Variants in DSG2 observed in about 807,000 individuals in gnomAD.
DSG2 encodes desmoglein 2, also known as desmoglein-2.
In DSG2, 45 loss-of-function variants were observed where a neutral mutation model predicts 75.6. That is an observed-to-expected ratio of 0.60 (90% CI 0.47 to 0.76). The LOEUF is 0.76. Ranked by LOEUF, DSG2 falls within the 30% of genes least tolerant of loss-of-function variation. The probability of loss-of-function intolerance (pLI) is 0.00; values close to 1 mark genes in which losing one functional copy is unlikely to be tolerated. For missense variants in DSG2, 1,267 were observed against 1,357.4 expected, an observed-to-expected ratio of 0.93 and a Z score of 1.05; for synonymous variants, 429 against 483.9, an observed-to-expected ratio of 0.89 and a Z score of 1.49.
intron 8 of DSG2, among the ~76,000 whole-genome samples, chr18:31,526,432 G>A (rs1183821188): frequency 6.6e-6 from 1 of 152,162 alleles, no homozygotes; most frequent in Admixed American, 6.5e-5. Context: ...ACCACTTATT[G>A]ACAGCTACTA....
Position 31,538,913 on chromosome 18 carries a change from A to T in DSG2, c.1814A>T (p.Asp605Val), listed in dbSNP as rs761157959. 1.4e-5 allele frequency: 23 copies of T among 1,613,710 alleles called. No homozygotes were observed. Among genetic ancestry groups the T allele is most frequent in the Non-Finnish European group, 1.9e-5 (23 of 1,179,942 alleles). Residue 605 changes from aspartate to valine, a missense_variant, in exon 12 of 15, where the codon GAC becomes GTC. Physicochemically the swap from Asp to Val is radical, Grantham distance 152. Coordinates refer to ENST00000261590, the MANE Select transcript of DSG2 (RefSeq NM_001943.5). ...HGSGCREAQH[D>V]SYVGLGPAAI... is the part of the protein sequence containing the mutation. ...AGCGGCTGCAGGGAAGCACAGCATG[A>T]CTCCTATGTGGGCCTGGGACCCGCA...
chr18:31,508,672 G>T (rs1359923649), intron 1 of DSG2, among the ~76,000 whole-genome samples: 1 of 152,160 alleles, frequency 6.6e-6, no homozygotes, highest in Non-Finnish European at 1.5e-5. Context: ...GGGATTACAG[G>T]TGTGAGCTTA....
At chr18:31,526,392 A>C (rs1459763638) in intron 8 of DSG2, among the ~76,000 whole-genome samples, 1 of 152,208 alleles carries the variant, frequency 6.6e-6, no homozygotes, top group Non-Finnish European at 1.5e-5. Flanking sequence ...AATAGGGAAG[A>C]ATTAACTTGA....
In DSG2 at chr18:31,541,277, A is replaced by G; in HGVS notation, c.1964A>G (p.His655Arg). The change falls in exon 13 of 15, where the codon CAT (histidine) becomes CGT (arginine). Residue 655 changes from histidine to arginine, a missense_variant. Coordinates refer to ENST00000261590, the MANE Select transcript of DSG2 (RefSeq NM_001943.5). ...ATACCTGGCACCATAGAGATGCTGC[A>G]TCCTTGGAATAATGAAGGAGCACCA... ...TPIPGTIEML[H>R]PWNNEGAPPE... The G allele has an allele frequency of 1.2e-6, 2 of 1,614,132 alleles. No homozygotes were observed. Among genetic ancestry groups the G allele is most frequent in the Non-Finnish European group, 1.7e-6 (2 of 1,179,986 alleles).
intron 2 of DSG2, among the ~76,000 whole-genome samples, chr18:31,519,217 A>G (rs1389686464): frequency 6.6e-6 from 1 of 152,176 alleles, no homozygotes; most frequent in African/African-American, 2.4e-5. Flanking sequence ...GATTCTTTAA[A>G]CTTTTCAAAC....
intron 8 of DSG2, among the ~76,000 whole-genome samples, chr18:31,525,565 T>C (rs1215390390): frequency 1.3e-5 from 2 of 150,830 alleles, no homozygotes; most frequent in Admixed American, 6.6e-5. Flanking sequence ...CAGGCCTCAC[T>C]AATAACATCT....
At chr18:31,541,078 G>A (rs1222771621) in intron 12 of DSG2, 115 bp from the exon 13 acceptor site, 1 of 1,355,424 alleles carries the variant, frequency 7.4e-7, no homozygotes, top group Non-Finnish European at 1.0e-6. Flanking sequence ...AAATAGAGCT[G>A]TAAATAAGTG....
chr18:31,542,565 G>C lies in DSG2; in HGVS notation c.2047G>C (p.Gly683Arg), dbSNP rs746376521. 1.1e-5 allele frequency: 17 copies of C among 1,613,974 alleles called. No individual in the cohort carries two copies. The highest frequency in any genetic ancestry group is 1.6e-4 in the Middle Eastern group (1 of 6,074). ...LPVDQGGSLVGRNGVGGMAKE... is the reference protein window; with the variant it reads ...LPVDQGGSLVRRNGVGGMAKE... ...AGTGGATCAAGGGGGCAGTCTAGTA[G>C]GAAGAAATGGAGTAGGAGGTATGGC... is the stretch of plus-strand genomic sequence containing the variant. Residue 683 changes from glycine (G) to arginine (R), a missense_variant, in exon 14 of 15, where the codon GGA becomes CGA. Transcript: ENST00000261590.
rs747248279 is a variant in DSG2 at position 31,536,258 on chromosome 18, G to A, written c.1480G>A (p.Asp494Asn). 12 of 1,614,114 alleles carry A rather than the reference G, an allele frequency of 7.4e-6. No homozygotes were observed. The highest frequency in any genetic ancestry group is 2.2e-5 in the East Asian group (1 of 44,870). Residue 494 changes from aspartate (D) to asparagine (N), a missense_variant, in exon 11 of 15, where the codon GAC (aspartate) becomes AAC (asparagine). Coordinates refer to ENST00000261590, the MANE Select transcript of DSG2 (RefSeq NM_001943.5). ...TVLINVEDIN[D>N]NCPTLIEPVQ... ...CCTTATCAATGTTGAAGACATCAAC[G>A]ACAACTGTCCCACACTGATAGAGCC...
intron 10 of DSG2, among the ~76,000 whole-genome samples, chr18:31,535,723 G>T (rs1170335233): frequency 2.0e-5 from 3 of 151,730 alleles, no homozygotes; most frequent in East Asian, 3.9e-4. Context: ...GAACCCAGGA[G>T]GTAGAGGAGC....
chr18:31,524,692 A>G lies in DSG2; in HGVS notation c.829-11A>G, dbSNP rs2073150702. ...TCATTGAAATAAAAATCATGTGTTC[A>G]TGTTTTGCAGCTTGAAGGGATGGTT... On this transcript the variant is annotated splice_polypyrimidine_tract_variant and intron_variant, in intron 7 of 14. Coordinates refer to ENST00000261590, the MANE Select transcript of DSG2 (RefSeq NM_001943.5). 1 of 1,614,048 alleles carries G rather than the reference A, an allele frequency of 6.2e-7. No homozygotes were observed. The highest frequency in any genetic ancestry group is 1.7e-5 in the Admixed American group (1 of 60,004).
intron 1 of DSG2, among the ~76,000 whole-genome samples, chr18:31,511,314 C>T (rs2073065441): frequency 6.6e-6 from 1 of 152,192 alleles, no homozygotes; most frequent in African/African-American, 2.4e-5. Flanking sequence ...ATTTATCTCC[C>T]CTACCTCGAG....
rs747507183 is a variant in DSG2 at position 31,546,123 on chromosome 18, T to C, written c.2737T>C (p.Ser913Pro). The change falls in exon 15 of 15, where the codon TCT (serine) becomes CCT (proline). Residue 913 changes from serine (S) to proline (P), a missense_variant. Coordinates refer to ENST00000261590, the MANE Select transcript of DSG2 (RefSeq NM_001943.5). Reference protein sequence around the residue: ...TQEIVTERSVSSRQAQKVATP... With the variant: ...TQEIVTERSVPSRQAQKVATP... ...GGAAATAGTCACTGAAAGATCTGTG[T>C]CTTCTAGGCAGGCGCAAAAGGTAGC... 4 of 1,614,170 alleles carry C rather than the reference T, an allele frequency of 2.5e-6. No individual in the cohort carries two copies. The South Asian group carries it at 4.4e-5, about 18-fold the overall frequency.
At position 31,512,053 on chromosome 18, in the gene DSG2, G is replaced by A. The variant is rs145098955; in HGVS notation, c.46-6186G>A. Reference sequence around the variant, plus strand: ...GCATCCCAGTTCCTTAACTAAAACCGACTGATGACTCCCAAATTTTTATCT... The same window carrying A: ...GCATCCCAGTTCCTTAACTAAAACCAACTGATGACTCCCAAATTTTTATCT... On this transcript the variant is annotated intron_variant, in intron 1 of 14. Transcript: ENST00000261590. 2.5e-3 allele frequency among the ~76,000 whole-genome samples: 388 copies of A among 152,188 alleles called. 1 individual carries two copies. The highest frequency in any genetic ancestry group is 8.7e-3 in the African/African-American group (362 of 41,508).
At chr18:31,518,696 A>G (rs1309082426) in intron 2 of DSG2, among the ~76,000 whole-genome samples, 1 of 151,236 alleles carries the variant, frequency 6.6e-6, no homozygotes, top group Admixed American at 6.6e-5. Flanking sequence ...AGTAATTTCA[A>G]TTTTTTGTCA....
At position 31,541,323 on chromosome 18, in the gene DSG2, A is replaced by G. The variant is rs770547224; in HGVS notation, c.2001+9A>G. On this transcript the variant is annotated intron_variant, in intron 13 of 14. Transcript: ENST00000261590. ...CACCACCTGAAGACAAGGTCAGTGGATCAGATGTCAATATGACTTGTCTTC... is the reference window on the plus strand; with the variant it reads ...CACCACCTGAAGACAAGGTCAGTGGGTCAGATGTCAATATGACTTGTCTTC... 8.1e-6 allele frequency: 13 copies of G among 1,613,924 alleles called. No individual in the cohort carries two copies. The East Asian group carries it at 8.9e-5, about 11-fold the overall frequency.
intron 1 of DSG2, among the ~76,000 whole-genome samples, chr18:31,504,749 T>A (rs2073030450): frequency 6.6e-6 from 1 of 152,158 alleles, no homozygotes; most frequent in Non-Finnish European, 1.5e-5. Flanking sequence ...ATGTAGCATC[T>A]CTCCGCCCTA....
At chr18:31,530,835 G>T (rs146913329) in intron 8 of DSG2, 152 bp from the exon 9 acceptor site, 16 of 667,894 alleles carry the variant, frequency 2.4e-5, no homozygotes, top group African/African-American at 2.0e-4. Context: ...TATTTGCTTG[G>T]TGTCAGTATA....
At chr18:31,545,028 G>A (rs2073295449) in intron 14 of DSG2, among the ~76,000 whole-genome samples, 1 of 152,126 alleles carries the variant, frequency 6.6e-6, no homozygotes, top group Non-Finnish European at 1.5e-5. Flanking sequence ...TAGCTTAACA[G>A]GGATGTGGGT....
Sources: gnomAD v4.1 joint callset for allele counts (sites outside exome capture counted in the v4.1 genomes callset) on GRCh38, gnomAD v4.1.1 for gene constraint, MANE v1.5 for transcripts, NCBI Gene and HGNC (gene_info 2026-07-23, HGNC 2026-07-21) for gene names.